The following PARVA variants were observed in gnomAD, a reference collection of about 807,000 sequenced individuals.
PARVA encodes the protein parvin alpha, also known as alpha-parvin.
Under a neutral mutation model 52.6 loss-of-function variants are expected in PARVA, and 25 were observed. The ratio of observed to expected loss-of-function variants is 0.48; its 90% CI spans 0.35 to 0.66. The LOEUF is 0.66. PARVA is among the 30% of genes least tolerant of loss of function. The pLI is 0.01. For synonymous variants in PARVA, 185 were observed against 179.1 expected, an observed-to-expected ratio of 1.03 and a Z score of -0.26; for missense variants, 373 against 450.9, an observed-to-expected ratio of 0.83 and a Z score of 1.56.
chr11:12,428,686 G>C (rs1317649470), intron 1 of PARVA, among the ~76,000 whole-genome samples: 4 of 152,156 alleles, frequency 2.6e-5, no homozygotes, highest in African/African-American at 9.7e-5. Flanking sequence ...CGGGTGCAGA[G>C]GTCGAGATGG....
intron 1 of PARVA, among the ~76,000 whole-genome samples, chr11:12,429,107 A>G (rs1398687357): frequency 6.6e-6 from 1 of 152,068 alleles, no homozygotes; most frequent in Non-Finnish European, 1.5e-5. Context: ...CTTCTTCCCA[A>G]GTAGCTGGGA....
At position 12,380,597 on chromosome 11, in the gene PARVA, G is replaced by A. The variant is rs1408797777; in HGVS notation, c.136+2814G>A. Among the ~76,000 whole-genome samples the A allele has an allele frequency of 2.0e-5, 3 of 150,900 alleles. No individual in the cohort carries two copies. The East Asian group carries it at 5.8e-4, about 29-fold the overall frequency. On this transcript the variant is annotated intron_variant, in intron 1 of 12. Coordinates refer to ENST00000334956, the MANE Select transcript of PARVA (RefSeq NM_018222.5). ...AGGGGCAGCGTCCATAGGGCACAGA[G>A]CAGTGCAGAGAATAGATCACAGTGG...
At chr11:12,507,443 A>G (rs1941445043) in intron 6 of PARVA, among the ~76,000 whole-genome samples, 1 of 152,168 alleles carries the variant, frequency 6.6e-6, no homozygotes, top group Non-Finnish European at 1.5e-5. Flanking sequence ...TCCCATGCCC[A>G]CACAGTGCTT....
intron 1 of PARVA, among the ~76,000 whole-genome samples, chr11:12,408,927 G>A (rs1468648736): frequency 6.6e-6 from 1 of 152,178 alleles, no homozygotes; most frequent in Non-Finnish European, 1.5e-5. Flanking sequence ...GGGAATGAAT[G>A]TTCCAGAAAG....
intron 1 of PARVA, among the ~76,000 whole-genome samples, chr11:12,419,130 AAAATACATAT>A (rs933334123): frequency 2.0e-5 from 3 of 152,210 alleles, no homozygotes; most frequent in African/African-American, 7.2e-5. Context: ...AAATTGTAGT[AAAATACATAT>A]AACTTAAATT....
intron 1 of PARVA, among the ~76,000 whole-genome samples, chr11:12,407,829 G>A (rs10831809): frequency 0.29 from 44,378 of 152,054 alleles, 7,391 homozygotes; most frequent in East Asian, 0.46. Flanking sequence ...TTTTGTGATT[G>A]GAGGCCTTTT....
intron 1 of PARVA, among the ~76,000 whole-genome samples, chr11:12,409,205 G>GTT (rs1442158225): frequency 1.3e-5 from 2 of 152,134 alleles, no homozygotes; most frequent in African/African-American, 2.4e-5. Flanking sequence ...ATTAAGTAAG[G>GTT]TTATATATAT....
At chr11:12,501,582 T>TA (rs1941364043) in intron 5 of PARVA, among the ~76,000 whole-genome samples, 1 of 152,216 alleles carries the variant, frequency 6.6e-6, no homozygotes, top group East Asian at 1.9e-4. Context: ...TATCAACTTT[T>TA]AGAACAAAGG....
At chr11:12,511,415 G>A in intron 7 of PARVA, 99 bp from the exon 8 acceptor site, 3 of 1,292,632 alleles carry the variant, frequency 2.3e-6, no homozygotes, top group Non-Finnish European at 3.3e-6. Context: ...GGCAGCATGG[G>A]GTGGGCTTCC....
At chr11:12,509,450 G>A (rs1347073739) in intron 7 of PARVA, among the ~76,000 whole-genome samples, 1 of 152,156 alleles carries the variant, frequency 6.6e-6, no homozygotes, top group Non-Finnish European at 1.5e-5. Context: ...TGTGGTCACA[G>A]CTGTGACTTC....
At position 12,403,591 on chromosome 11, in the gene PARVA, C is replaced by T. The variant is rs114215535; in HGVS notation, c.136+25808C>T. 5.3e-3 allele frequency among the ~76,000 whole-genome samples: 811 copies of T among 152,268 alleles called. 7 individuals carry two copies. Among genetic ancestry groups the T allele is most frequent in the African/African-American group, 6.1e-3 (252 of 41,548 alleles). On this transcript the variant is annotated intron_variant, in intron 1 of 12. Coordinates refer to ENST00000334956, the MANE Select transcript of PARVA (RefSeq NM_018222.5). ...CATTACATTAACAAAGCCAGTAAGC[C>T]GGTTTCTTTATATTCAAAATAAGAG...
At chr11:12,486,152 G>A (rs1297235440) in intron 4 of PARVA, among the ~76,000 whole-genome samples, 1 of 152,130 alleles carries the variant, frequency 6.6e-6, no homozygotes, top group Non-Finnish European at 1.5e-5. Flanking sequence ...CAATAGGAGG[G>A]GAAACTGAGT....
At chr11:12,506,991 C>G (rs1179889888) in intron 6 of PARVA, among the ~76,000 whole-genome samples, 1 of 152,176 alleles carries the variant, frequency 6.6e-6, no homozygotes, top group Non-Finnish European at 1.5e-5. Context: ...GAAAACACAG[C>G]CTGTGTTGAA....
intron 1 of PARVA, among the ~76,000 whole-genome samples, chr11:12,386,675 A>G (rs2134948609): frequency 6.6e-6 from 1 of 152,342 alleles, no homozygotes; most frequent in East Asian, 1.9e-4. Context: ...TTAACTGGCC[A>G]TGTAATCTTA....
intron 1 of PARVA, among the ~76,000 whole-genome samples, chr11:12,469,081 T>C (rs1156238864): frequency 6.6e-6 from 1 of 152,156 alleles, no homozygotes; most frequent in East Asian, 1.9e-4. Flanking sequence ...GGATAAATGT[T>C]GGGGAGCAAA....
rs1314168590 is a variant in PARVA at position 12,533,338 on chromosome 11, A to G, written c.*5413A>G. The stretch of plus-strand genomic sequence containing the variant: ...CAACGGCAGGAGCAGGAATCCCACC[A>G]TTCAGCCTGTGGGCTTGACAAACTA... On this transcript the variant is annotated 3_prime_UTR_variant, in exon 13 of 13. Coordinates refer to ENST00000334956, the MANE Select transcript of PARVA (RefSeq NM_018222.5). 6.6e-6 allele frequency among the ~76,000 whole-genome samples: 1 copy of G among 152,206 alleles called. No individual in the cohort carries two copies. Among genetic ancestry groups the G allele is most frequent in the Non-Finnish European group, 1.5e-5 (1 of 68,044 alleles).
chr11:12,394,230 C>T (rs1939703263), intron 1 of PARVA, among the ~76,000 whole-genome samples: 1 of 152,102 alleles, frequency 6.6e-6, no homozygotes. Context: ...CACACAACTA[C>T]TGTGCTAGGA....
At chr11:12,427,296 G>A (rs998689751) in intron 1 of PARVA, among the ~76,000 whole-genome samples, 1 of 152,188 alleles carries the variant, frequency 6.6e-6, no homozygotes, top group Non-Finnish European at 1.5e-5. Context: ...ACAATTTATT[G>A]TCGTAAAATC....
chr11:12,504,297 A>T lies in PARVA; in HGVS notation c.542-17A>T. On this transcript the variant is annotated splice_polypyrimidine_tract_variant and intron_variant, in intron 5 of 12. Transcript: ENST00000334956. ...TGGAAGAAGATGCTGTAATTTTTCA[A>T]TCTTCTTTCATTTCAGCTGTTCATG... The T allele has an allele frequency of 4.2e-6, 6 of 1,445,454 alleles. No homozygotes were observed. Among genetic ancestry groups the T allele is most frequent in the African/African-American group, 1.4e-5 (1 of 71,688 alleles). The allele number at this position is 1,445,454 out of a possible 1,614,324, so 89.5% of individuals were successfully genotyped here. A position where few individuals can be genotyped will look rare whatever the true frequency, so the allele number is the denominator to read the frequency against.
Sources: gnomAD v4.1 joint callset for allele counts (sites outside exome capture counted in the v4.1 genomes callset) on GRCh38, gnomAD v4.1.1 for gene constraint, MANE v1.5 for transcripts, NCBI Gene and HGNC (gene_info 2026-07-23, HGNC 2026-07-21) for gene names.